WIPF3: variants seen among roughly 807,000 people sequenced by gnomAD.
WIPF3 encodes WAS/WASL interacting protein family member 3, also known as WAS/WASL-interacting protein family member 3.
WIPF3 carries 33 observed loss-of-function variants against 38.9 expected under a neutral mutation model. That is an observed-to-expected ratio of 0.85 (90% CI 0.64 to 1.14). The LOEUF is 1.14. WIPF3 is among the 50% of genes most tolerant of loss of function. The pLI is 0.00. For synonymous variants in WIPF3, 324 were observed against 269.3 expected, an observed-to-expected ratio of 1.20 and a Z score of -1.99; for missense variants, 711 against 652.5, an observed-to-expected ratio of 1.09 and a Z score of -0.98.
Position 29,823,690 on chromosome 7 carries a change from T to C in WIPF3, c.-57-10978T>C, listed in dbSNP as rs970638113. Among the ~76,000 whole-genome samples the C allele has an allele frequency of 6.6e-6, 1 of 152,218 alleles. No homozygotes were observed. Among genetic ancestry groups the C allele is most frequent in the Admixed American group, 6.5e-5 (1 of 15,278 alleles). On this transcript the variant is annotated intron_variant, in intron 1 of 8. Coordinates refer to ENST00000242140, the MANE Select transcript of WIPF3 (RefSeq NM_001080529.3). This position sits in a 1 kb window ranked among gnomAD's most constrained non-coding sequence, Gnocchi z 4.0. The stretch of plus-strand genomic sequence containing the variant: ...CCCCAATGTTGGAGGTGGGGCCTGG[T>C]GGCAGGTGATTGGATCGTGGGCGGT...
intron 1 of WIPF3, among the ~76,000 whole-genome samples, chr7:29,818,439 C>T (rs770427857): frequency 4.0e-5 from 6 of 149,538 alleles, no homozygotes; most frequent in South Asian, 4.2e-4. Context: ...GGAGACAGAG[C>T]GAGACTCCAT....
At chr7:29,828,130 T>C (rs902643466) in intron 1 of WIPF3, among the ~76,000 whole-genome samples, 1 of 152,186 alleles carries the variant, frequency 6.6e-6, no homozygotes, top group Admixed American at 6.5e-5. Flanking sequence ...GGCAGTAATC[T>C]TTCTTGCTTA....
chr7:29,893,157 A>C (rs1046562260), intron 7 of WIPF3, among the ~76,000 whole-genome samples: 1 of 152,038 alleles, frequency 6.6e-6, no homozygotes, highest in Non-Finnish European at 1.5e-5. Flanking sequence ...CCAGGTGCAG[A>C]TGGGATCAAG....
intron 3 of WIPF3, among the ~76,000 whole-genome samples, chr7:29,876,986 A>G (rs1258179572): frequency 1.3e-5 from 2 of 152,028 alleles, no homozygotes; most frequent in African/African-American, 4.8e-5. Context: ...TATATGCAGA[A>G]CTCTTTAGTA....
chr7:29,863,991 T>C (rs147847022), intron 2 of WIPF3, among the ~76,000 whole-genome samples: 15 of 152,354 alleles, frequency 9.8e-5, no homozygotes, highest in African/African-American at 3.4e-4. Flanking sequence ...ACAATTTTTA[T>C]TTCCTCCTTC....
intron 4 of WIPF3, among the ~76,000 whole-genome samples, chr7:29,879,775 C>G (rs1785678977): frequency 6.6e-6 from 1 of 152,186 alleles, no homozygotes; most frequent in Non-Finnish European, 1.5e-5. Context: ...CGTGGTCTCT[C>G]AGTATCCAGC....
chr7:29,906,161 G>C (rs1186921711), intron 8 of WIPF3: 1 of 151,906 alleles, frequency 6.6e-6, no homozygotes, highest in Non-Finnish European at 1.5e-5. Context: ...AGAAACAGGA[G>C]AGTATGGCCC....
chr7:29,853,866 G>A (rs748925739), intron 2 of WIPF3, among the ~76,000 whole-genome samples: 27 of 152,326 alleles, frequency 1.8e-4, no homozygotes, highest in South Asian at 4.1e-4. Context: ...TGGGCATAGC[G>A]ATGCTCTTTT....
chr7:29,839,730 T>C (rs1323361704), intron 2 of WIPF3, among the ~76,000 whole-genome samples: 3 of 152,184 alleles, frequency 2.0e-5, no homozygotes, highest in African/African-American at 7.2e-5. Flanking sequence ...AAAAGAAAAG[T>C]AATATTTTGT....
intron 1 of WIPF3, among the ~76,000 whole-genome samples, chr7:29,816,622 A>G (rs1487352904): frequency 5.3e-5 from 8 of 152,084 alleles, no homozygotes; most frequent in Non-Finnish European, 8.8e-5. Context: ...TGCCCTGCCC[A>G]GCTGCAAACT....
intron 8 of WIPF3, chr7:29,906,191 A>C (rs560142556): frequency 7.9e-5 from 12 of 152,274 alleles, no homozygotes; most frequent in African/African-American, 2.6e-4. Flanking sequence ...AAGAAAAAAA[A>C]CAAATCAATA....
chr7:29,914,597 T>A lies in WIPF3; in HGVS notation c.*81T>A. 9.3e-7 allele frequency: 1 copy of A among 1,072,230 alleles called. No individual in the cohort carries two copies. Among genetic ancestry groups the A allele is most frequent in the Non-Finnish European group, 1.3e-6 (1 of 790,530 alleles). The allele number at this position is 1,072,230 out of a possible 1,614,324, so 66.4% of individuals were successfully genotyped here. On this transcript the variant is annotated 3_prime_UTR_variant, in exon 9 of 9. Coordinates refer to ENST00000242140, the MANE Select transcript of WIPF3 (RefSeq NM_001080529.3). ...CCCCACCCACCCCATGCTCAAGCTG[T>A]AATTCAGTTGGCATACAGGCTTGGA...
At chr7:29,846,715 C>CA in intron 2 of WIPF3, among the ~76,000 whole-genome samples, 1 of 152,238 alleles carries the variant, frequency 6.6e-6, no homozygotes, top group African/African-American at 2.4e-5. Context: ...AAACAAAAAT[C>CA]AAAAAACAAC....
In WIPF3 at chr7:29,823,375, A is replaced by G. The variant is rs1784569185; in HGVS notation, c.-57-11293A>G. Among the ~76,000 whole-genome samples the G allele has an allele frequency of 6.6e-6, 1 of 152,152 alleles. No homozygotes were observed. The highest frequency in any genetic ancestry group is 1.5e-5 in the Non-Finnish European group (1 of 68,020). Reference sequence around the variant, plus strand: ...CTCCTGGGAGAACCCAACATTCAGAATATATTTTATTCCCACGCCGATAAT... The same window carrying G: ...CTCCTGGGAGAACCCAACATTCAGAGTATATTTTATTCCCACGCCGATAAT... On this transcript the variant is annotated intron_variant, in intron 1 of 8. Coordinates refer to ENST00000242140, the MANE Select transcript of WIPF3 (RefSeq NM_001080529.3). The surrounding 1 kb of genome is among the most constrained non-coding windows in gnomAD (Gnocchi z 4.0).
intron 2 of WIPF3, among the ~76,000 whole-genome samples, chr7:29,836,450 T>C (rs1016906346): frequency 6.6e-6 from 1 of 152,230 alleles, no homozygotes; most frequent in Non-Finnish European, 1.5e-5. Context: ...TCTGGAGTGT[T>C]CTCTGTAAGA....
At chr7:29,907,999 C>T (rs1786431334) in intron 8 of WIPF3, among the ~76,000 whole-genome samples, 1 of 152,166 alleles carries the variant, frequency 6.6e-6, no homozygotes, top group African/African-American at 2.4e-5. Context: ...CAGAGTAAAT[C>T]CCTCCTTGTC....
intron 2 of WIPF3, among the ~76,000 whole-genome samples, chr7:29,864,292 C>G (rs1358194505): frequency 6.6e-6 from 1 of 151,882 alleles, no homozygotes. Context: ...TGTGATTTTT[C>G]TTTTTTAGAC....
At chr7:29,810,862 C>A (rs1402592947) in intron 1 of WIPF3, among the ~76,000 whole-genome samples, 2 of 151,984 alleles carry the variant, frequency 1.3e-5, no homozygotes, top group Non-Finnish European at 2.9e-5. Flanking sequence ...GTATTTATCT[C>A]ATGTTTAAGG....
chr7:29,867,375 C>T (rs954842440), intron 2 of WIPF3, among the ~76,000 whole-genome samples: 2 of 152,120 alleles, frequency 1.3e-5, no homozygotes, highest in Admixed American at 6.5e-5. Flanking sequence ...GAAATAACAA[C>T]GGTAATGTTA....
Sources: gnomAD v4.1 joint callset for allele counts (sites outside exome capture counted in the v4.1 genomes callset) on GRCh38, gnomAD v4.1.1 for gene constraint, Gnocchi (gnomAD v3.1) non-coding constraint, MANE v1.5 for transcripts, NCBI Gene and HGNC (gene_info 2026-07-23, HGNC 2026-07-21) for gene names.